HIVEP3: variants seen among roughly 807,000 people sequenced by gnomAD.
HIVEP3 encodes the protein HIVEP zinc finger 3, also known as transcription factor HIVEP3.
A neutral mutation model predicts 152.8 loss-of-function variants in HIVEP3; 49 were observed. That is an observed-to-expected ratio of 0.32 (90% CI 0.26 to 0.41). HIVEP3 has a LOEUF of 0.41. Ranked by LOEUF, HIVEP3 falls within the 10% of genes least tolerant of loss-of-function variation. The pLI is 1.00. For synonymous variants in HIVEP3, 1,269 were observed against 1,289.0 expected, an observed-to-expected ratio of 0.98 and a Z score of 0.33; for missense variants, 2,790 against 3,103.3, an observed-to-expected ratio of 0.90 and a Z score of 2.40.
At chr1:42,032,705 G>A (rs530343351) in intron 1 of HIVEP3, among the ~76,000 whole-genome samples, 3 of 151,842 alleles carry the variant, frequency 2.0e-5, no homozygotes, top group East Asian at 1.9e-4. Context: ...TCTTGCTTAC[G>A]GACAGGCAGT....
intron 2 of HIVEP3, among the ~76,000 whole-genome samples, chr1:41,690,782 G>A (rs997284501): frequency 1.1e-4 from 17 of 152,304 alleles, no homozygotes; most frequent in East Asian, 1.9e-4. Flanking sequence ...GCCAGGCATG[G>A]TGGTGGGCAC....
At chr1:41,834,808 G>A (rs1444741222) in intron 1 of HIVEP3, among the ~76,000 whole-genome samples, 2 of 152,096 alleles carry the variant, frequency 1.3e-5, no homozygotes, top group African/African-American at 2.4e-5. Context: ...AGAAAGATGA[G>A]AGAATGAAGT....
At chr1:41,901,803 C>T (rs1177539608) in intron 1 of HIVEP3, among the ~76,000 whole-genome samples, 1 of 152,130 alleles carries the variant, frequency 6.6e-6, no homozygotes, top group Admixed American at 6.5e-5. Flanking sequence ...ACTTGCTTAG[C>T]CCCACTCACT....
intron 3 of HIVEP3, among the ~76,000 whole-genome samples, chr1:41,587,770 T>C (rs987482074): frequency 1.3e-5 from 2 of 152,178 alleles, no homozygotes; most frequent in African/African-American, 4.8e-5. Flanking sequence ...GTGGCAGGAC[T>C]GGACCATCCT....
intron 1 of HIVEP3, among the ~76,000 whole-genome samples, chr1:42,030,130 C>G (rs76809496): frequency 0.016 from 2,463 of 152,264 alleles, 63 homozygotes; most frequent in African/African-American, 0.057. Flanking sequence ...TACAAGGAAC[C>G]CTTGGCTTTA....
At chr1:41,593,010 A>T (rs1644610501) in intron 3 of HIVEP3, among the ~76,000 whole-genome samples, 1 of 151,924 alleles carries the variant, frequency 6.6e-6, no homozygotes, top group South Asian at 2.1e-4. Context: ...CAATCCCCAA[A>T]TCTGGTTGTT....
At chr1:41,703,320 T>C (rs1287637596) in intron 1 of HIVEP3, among the ~76,000 whole-genome samples, 1 of 152,328 alleles carries the variant, frequency 6.6e-6, no homozygotes, top group Non-Finnish European at 1.5e-5. Flanking sequence ...TGGTGTTATT[T>C]TAACATGACT....
chr1:41,965,990 G>GTCA (rs1645195405), intron 1 of HIVEP3, among the ~76,000 whole-genome samples: 1 of 152,156 alleles, frequency 6.6e-6, no homozygotes, highest in South Asian at 2.1e-4. Context: ...GAAAAGCCAG[G>GTCA]TCACCTACAA....
intron 1 of HIVEP3, among the ~76,000 whole-genome samples, chr1:41,883,970 A>G (rs1293412872): frequency 6.6e-6 from 1 of 152,130 alleles, no homozygotes; most frequent in African/African-American, 2.4e-5. Context: ...TCCTTCACAT[A>G]CTTTTCTTTT....
At chr1:41,888,715 C>A (rs534100986) in intron 1 of HIVEP3, among the ~76,000 whole-genome samples, 1 of 117,534 alleles carries the variant, frequency 8.5e-6, no homozygotes, top group Non-Finnish European at 1.7e-5. Flanking sequence ...CTCACACCCC[C>A]CACACACATA....
At chr1:41,690,086 G>T (rs1434983584) in intron 2 of HIVEP3, among the ~76,000 whole-genome samples, 1 of 152,228 alleles carries the variant, frequency 6.6e-6, no homozygotes, top group Admixed American at 6.5e-5. Context: ...TGTATTGCTG[G>T]ATAACATGTG....
Position 41,510,217 on chromosome 1 carries a change from T to G in HIVEP3, c.*234A>C. 2 of 370,440 alleles carry G rather than the reference T, an allele frequency of 5.4e-6. No individual in the cohort carries two copies. The highest frequency in any genetic ancestry group is 7.9e-5 in the East Asian group (2 of 25,172). The allele number at this position is 370,440 out of a possible 1,614,324, so 22.9% of individuals were successfully genotyped here. ...ACAGCCTCAGACTCCTCGTGGGTTGTTGTTTTTTTTTTAAATGTATGTATG... is the reference window on the plus strand; with the variant it reads ...ACAGCCTCAGACTCCTCGTGGGTTGGTGTTTTTTTTTTAAATGTATGTATG... On this transcript the variant is annotated 3_prime_UTR_variant, in exon 9 of 9. Transcript: ENST00000372583.
chr1:41,526,235 C>T (rs1445493726), intron 5 of HIVEP3, among the ~76,000 whole-genome samples: 1 of 151,248 alleles, frequency 6.6e-6, no homozygotes. Flanking sequence ...ACACCCCCAC[C>T]CTCACACTCG....
At position 41,530,381 on chromosome 1, in the gene HIVEP3, G is replaced by A. The variant is rs75102993; in HGVS notation, c.5208-5471C>T. Among the ~76,000 whole-genome samples the A allele has an allele frequency of 4.6e-3, 698 of 152,358 alleles. 31 individuals carry two copies. The East Asian group carries it at 0.1, about 23-fold the overall frequency. ...CGATGTGACAGCGGCTCACCCTCACGTAGCAGATCTCCAAGACCAAAACCA... is the reference window on the plus strand; with the variant it reads ...CGATGTGACAGCGGCTCACCCTCACATAGCAGATCTCCAAGACCAAAACCA... On this transcript the variant is annotated intron_variant, in intron 5 of 8. Coordinates refer to ENST00000372583, the MANE Select transcript of HIVEP3 (RefSeq NM_024503.5).
intron 1 of HIVEP3, among the ~76,000 whole-genome samples, chr1:42,012,892 CTT>C (rs1372460593): frequency 6.6e-6 from 1 of 152,168 alleles, no homozygotes; most frequent in African/African-American, 2.4e-5. Flanking sequence ...GTCTATGCTA[CTT>C]TGTTATAGCA....
Position 41,511,394 on chromosome 1 carries a change from A to T in HIVEP3, c.6406-128T>A, listed in dbSNP as rs1313810634. On this transcript the variant is annotated intron_variant, in intron 8 of 8. Transcript: ENST00000372583. The surrounding 1 kb of genome is among the most constrained non-coding windows in gnomAD (Gnocchi z 4.9). ...CGAGTCCAGGGTCCCGGCTGAGCTG[A>T]GCCCAGAACCAAGTTCCTGACTCCC... is the stretch of plus-strand genomic sequence containing the variant. 3.4e-5 allele frequency: 29 copies of T among 860,520 alleles called. No homozygotes were observed. In the East Asian group the frequency reaches 7.5e-4, roughly 22 times the overall value. 53.3% of individuals were successfully genotyped at this position (860,520 alleles called of 1,614,324 possible).
rs546989417 is a variant in HIVEP3 at position 41,652,604 on chromosome 1, C to T, written c.-720-23657G>A. Reference sequence around the variant, plus strand: ...ACGAGCAACGTGGAGGGGTGAAAAGCTGGGACAAGGAGTCAGGTGAAGATC... The same window carrying T: ...ACGAGCAACGTGGAGGGGTGAAAAGTTGGGACAAGGAGTCAGGTGAAGATC... On this transcript the variant is annotated intron_variant, in intron 2 of 8. Transcript: ENST00000372583. Among the ~76,000 whole-genome samples the T allele has an allele frequency of 3.9e-5, 6 of 152,272 alleles. No homozygotes were observed. In the East Asian group the frequency reaches 1.2e-3, roughly 29 times the overall value.
At chr1:41,770,757 C>A (rs564596384) in intron 1 of HIVEP3, among the ~76,000 whole-genome samples, 1 of 152,232 alleles carries the variant, frequency 6.6e-6, no homozygotes, top group South Asian at 2.1e-4. Flanking sequence ...TCACAGAATG[C>A]AGGACACTAA....
intron 2 of HIVEP3, among the ~76,000 whole-genome samples, chr1:41,669,610 G>C (rs1194083382): frequency 6.6e-6 from 1 of 152,144 alleles, no homozygotes; most frequent in Non-Finnish European, 1.5e-5. Context: ...GCTTGAGCTG[G>C]GACATTGGTC....
Sources: gnomAD v4.1 joint callset for allele counts (sites outside exome capture counted in the v4.1 genomes callset) on GRCh38, gnomAD v4.1.1 for gene constraint, Gnocchi (gnomAD v3.1) non-coding constraint, MANE v1.5 for transcripts, NCBI Gene and HGNC (gene_info 2026-07-23, HGNC 2026-07-21) for gene names.